Variants in SART3 observed in about 807,000 individuals in gnomAD.
SART3 encodes the protein HIV-1 Tat-interacting protein of 110kDa.
SART3 carries 44 observed loss-of-function variants against 122.3 expected under a neutral mutation model. The observed-to-expected ratio is 0.36, with a 90% confidence interval of 0.28 to 0.46. The LOEUF (loss-of-function observed/expected upper bound fraction) is 0.46, where lower values mean the gene tolerates loss of function less well. SART3 is among the 20% of genes least tolerant of loss of function. The pLI is 1.00. For missense variants in SART3, 1,101 were observed against 1,229.0 expected (o/e 0.90, Z 1.56); for synonymous variants, 442 against 454.0 (o/e 0.97, Z 0.34).
rs1872203288 is a variant in SART3, at chr12:108,523,158, CAG to C, written c.*297_*298del. Reference sequence around the variant, plus strand: ...CATTTGGACAACTGTGTCTCAAAAACAGTGTGTTCTCGTTTCGCTTCTGTGCC... The same window carrying C: ...CATTTGGACAACTGTGTCTCAAAAACTGTGTTCTCGTTTCGCTTCTGTGCC... On this transcript the variant is annotated 3_prime_UTR_variant, in exon 19 of 19. Coordinates refer to ENST00000546815, the MANE Select transcript of SART3 (RefSeq NM_014706.4). 1 of 494,876 alleles carries C rather than the reference CAG, an allele frequency of 2.0e-6. No individual in the cohort carries two copies. Among genetic ancestry groups the C allele is most frequent in the Non-Finnish European group, 3.7e-6 (1 of 272,512 alleles). 30.7% of individuals were successfully genotyped at this position (494,876 alleles called of 1,614,324 possible).
intron 6 of SART3, among the ~76,000 whole-genome samples, chr12:108,541,081 G>A (rs939406699): frequency 6.6e-6 from 1 of 152,168 alleles, no homozygotes. Flanking sequence ...TGATCACTAA[G>A]AACTGTTCAT....
chr12:108,560,665 T>C (rs2030480221), intron 1 of SART3, 178 bp downstream of exon 1: 1 of 564,822 alleles, frequency 1.8e-6, no homozygotes. Context: ...TGAGATAACG[T>C]TTGCAAGGCA....
intron 1 of SART3, among the ~76,000 whole-genome samples, chr12:108,553,445 C>T (rs552269143): frequency 3.2e-4 from 49 of 152,148 alleles, no homozygotes; most frequent in Admixed American, 2.6e-3. Flanking sequence ...AATAAAAAGG[C>T]GAATTGTTTA....
At chr12:108,545,641 G>A (rs1873370383) in intron 3 of SART3, among the ~76,000 whole-genome samples, 1 of 152,162 alleles carries the variant, frequency 6.6e-6, no homozygotes, top group African/African-American at 2.4e-5. Flanking sequence ...GAAGACTCAT[G>A]GGCCACAGAG....
chr12:108,541,144 C>T (rs183926608), intron 6 of SART3, among the ~76,000 whole-genome samples: 61 of 152,334 alleles, frequency 4.0e-4, no homozygotes, highest in Middle Eastern at 3.4e-3. Flanking sequence ...CAGTGACTCA[C>T]GCCTGTAATC....
In SART3 at chr12:108,525,449, ACT is replaced by A; in HGVS notation, c.2523+6_2523+7del. The stretch of plus-strand genomic sequence containing the variant: ...TGAAGACAAGGCACAATCTGCTCTG[ACT>A]CTGACCTTTGGTTTGCCAGCCCGGT... On this transcript the variant is annotated splice_donor_region_variant and intron_variant, in intron 17 of 18. Transcript: ENST00000546815. The A allele has an allele frequency of 6.2e-7, 1 of 1,613,904 alleles. No individual in the cohort carries two copies. The highest frequency in any genetic ancestry group is 1.7e-4 in the Middle Eastern group (1 of 6,002).
chr12:108,550,013 C>CA (rs10572379), intron 1 of SART3, among the ~76,000 whole-genome samples: 195 of 88,148 alleles, frequency 2.2e-3, no homozygotes, highest in Middle Eastern at 0.012. Flanking sequence ...GACCCAATCT[C>CA]AAAAAAAAAA....
intron 18 of SART3, chr12:108,523,879 G>A (rs1872247313): frequency 5.0e-6 from 3 of 599,516 alleles, no homozygotes; most frequent in Non-Finnish European, 8.8e-6. Context: ...GGGGATCAGT[G>A]TGACTATCAC....
At chr12:108,557,650 C>G (rs2030287988) in intron 1 of SART3, among the ~76,000 whole-genome samples, 1 of 152,122 alleles carries the variant, frequency 6.6e-6, no homozygotes, top group African/African-American at 2.4e-5. Flanking sequence ...ACTGGGACAC[C>G]CAAGACTCTG....
At position 108,539,364 on chromosome 12, in the gene SART3, A is replaced by G. The variant is rs548111652; in HGVS notation, c.907-275T>C. Among the ~76,000 whole-genome samples the G allele has an allele frequency of 3.3e-5, 5 of 152,360 alleles. No homozygotes were observed. In the South Asian group the frequency reaches 1.0e-3, roughly 32 times the overall value. On this transcript the variant is annotated intron_variant, in intron 6 of 18. Coordinates refer to ENST00000546815, the MANE Select transcript of SART3 (RefSeq NM_014706.4). Reference sequence around the variant, plus strand: ...CCACAGGGAATTAAGTAGCCCATCAATCAGGAACTGAGTGAAAGAGCAACA... The same window carrying G: ...CCACAGGGAATTAAGTAGCCCATCAGTCAGGAACTGAGTGAAAGAGCAACA...
intron 1 of SART3, among the ~76,000 whole-genome samples, chr12:108,554,641 A>G (rs895522484): frequency 4.7e-5 from 7 of 148,558 alleles, no homozygotes; most frequent in Non-Finnish European, 1.0e-4. Context: ...TTAATAACAT[A>G]TTTATATATT....
Position 108,539,018 on chromosome 12 carries a change from A to G in SART3, c.978T>C (p.Pro326=), listed in dbSNP as rs1011337656. ...YIDFEMKIGD[P]ARIQLIFERA... is the part of the protein sequence containing the mutation. ...GCTCAAAGATCAACTGAATGCGAGC[A>G]GGATCGCCAATTTTCATCTCAAAAT... is the stretch of plus-strand genomic sequence containing the variant. The change falls in exon 7 of 19, where the codon CCT becomes CCC. Residue 326 remains proline (P), a synonymous_variant. Coordinates refer to ENST00000546815, the MANE Select transcript of SART3 (RefSeq NM_014706.4). 1.9e-6 allele frequency: 3 copies of G among 1,614,264 alleles called. No individual in the cohort carries two copies. The highest frequency in any genetic ancestry group is 1.7e-6 in the Non-Finnish European group (2 of 1,180,046).
intron 17 of SART3, 51 bp downstream of exon 17, chr12:108,525,406 C>T (rs1274401147): frequency 2.5e-6 from 4 of 1,607,000 alleles, no homozygotes; most frequent in African/African-American, 1.3e-5. Context: ...GATACAGAAA[C>T]GAAGTTTGCC....
intron 1 of SART3, 155 bp from the exon 2 acceptor site, chr12:108,549,369 G>A (rs918194282): frequency 2.8e-6 from 2 of 710,760 alleles, no homozygotes; most frequent in Non-Finnish European, 4.8e-6. Context: ...GTACCCACAG[G>A]TAGAAGACAA....
chr12:108,536,591 T>C lies in SART3; in HGVS notation c.1388-19A>G. The C allele has an allele frequency of 1.2e-6, 2 of 1,613,792 alleles. No homozygotes were observed. Among genetic ancestry groups the C allele is most frequent in the South Asian group, 2.2e-5 (2 of 91,054 alleles). The stretch of plus-strand genomic sequence containing the variant: ...TTGAAACCTTCAAAAACAGAATTAG[T>C]AAAATTAGAAAGGAACTTGGAGACA... On this transcript the variant is annotated intron_variant, in intron 10 of 18. Transcript: ENST00000546815.
intron 12 of SART3, among the ~76,000 whole-genome samples, chr12:108,532,835 CCT>C (rs892908285): frequency 1.3e-5 from 2 of 151,946 alleles, no homozygotes; most frequent in Non-Finnish European, 2.9e-5. Flanking sequence ...CTCACTCCAA[CCT>C]CTGTCTCCCA....
intron 1 of SART3, among the ~76,000 whole-genome samples, chr12:108,557,864 A>T (rs2241317): frequency 0.74 from 112,711 of 152,074 alleles, 43,669 homozygotes; most frequent in East Asian, 0.92. Flanking sequence ...ACTGCCAGCT[A>T]CCATAAAATA....
Position 108,538,260 on chromosome 12 carries a change from A to G in SART3, c.1063-57T>C, listed in dbSNP as rs1158653870. 5.0e-6 allele frequency: 8 copies of G among 1,593,424 alleles called. No individual in the cohort carries two copies. The African/African-American group carries it at 5.4e-5, about 11-fold the overall frequency. ...ACACTTTATTAAGCATTCACCATCA[A>G]CAAGACATTGCCAGCACGACCAAGT... On this transcript the variant is annotated intron_variant, in intron 7 of 18. Coordinates refer to ENST00000546815, the MANE Select transcript of SART3 (RefSeq NM_014706.4).
intron 14 of SART3, 93 bp from the exon 15 acceptor site, chr12:108,530,403 T>C: frequency 1.4e-6 from 2 of 1,404,148 alleles, no homozygotes; most frequent in Non-Finnish European, 2.0e-6. Flanking sequence ...TGGAAATTCA[T>C]TACTAATGAA....
Sources: gnomAD v4.1 joint callset for allele counts (sites outside exome capture counted in the v4.1 genomes callset) on GRCh38, gnomAD v4.1.1 for gene constraint, MANE v1.5 for transcripts, NCBI Gene and HGNC (gene_info 2026-07-23, HGNC 2026-07-21) for gene names.